The following AXIN1 variants were observed in gnomAD, a reference collection of about 807,000 sequenced individuals.
The protein encoded by AXIN1 is axin 1, also known as axin-1.
Under a neutral mutation model 76.4 loss-of-function variants are expected in AXIN1, and 30 were observed. The ratio of observed to expected loss-of-function variants is 0.39; its 90% CI spans 0.29 to 0.53. AXIN1 has a LOEUF of 0.53. Among genes scored for constraint, AXIN1 ranks in the 20% least tolerant of loss-of-function variants. The pLI is 0.66. For missense variants in AXIN1, 1,140 were observed against 1,198.8 expected (o/e 0.95, Z 0.72); for synonymous variants, 545 against 501.4 (o/e 1.09, Z -1.16).
intron 4 of AXIN1, 22 bp from the exon 5 acceptor site, chr16:304,463 G>A (rs746981886): frequency 6.2e-7 from 1 of 1,612,556 alleles, no homozygotes; most frequent in South Asian, 1.1e-5. Flanking sequence ...AGGACTGTGA[G>A]GCACGGGGGT....
At chr16:342,425 A>G (rs377632975) in intron 2 of AXIN1, among the ~76,000 whole-genome samples, 1 of 152,194 alleles carries the variant, frequency 6.6e-6, no homozygotes, top group African/African-American at 2.4e-5. Context: ...CAGGATATGC[A>G]TCCCCTAACA....
At chr16:316,163 T>C (rs772053237) in intron 2 of AXIN1, among the ~76,000 whole-genome samples, 7 of 152,222 alleles carry the variant, frequency 4.6e-5, no homozygotes, top group Non-Finnish European at 1.0e-4. Flanking sequence ...ACACATATAT[T>C]CTATTTTTCT....
chr16:288,289 C>T lies in AXIN1; in HGVS notation c.2463-41G>A, dbSNP rs367664357. 6.2e-6 allele frequency: 10 copies of T among 1,612,782 alleles called. No homozygotes were observed. The African/African-American group carries it at 6.7e-5, about 11-fold the overall frequency. On this transcript the variant is annotated intron_variant, in intron 10 of 10. Transcript: ENST00000262320. ...GAGGAGGGCAGTGAGCAGGCAGCACCGCAGATGGGAAGGAGGCCTGTGGCA... is the reference window on the plus strand; with the variant it reads ...GAGGAGGGCAGTGAGCAGGCAGCACTGCAGATGGGAAGGAGGCCTGTGGCA...
At chr16:299,447 G>C (rs2052808093) in intron 5 of AXIN1, among the ~76,000 whole-genome samples, 1 of 151,822 alleles carries the variant, frequency 6.6e-6, no homozygotes, top group African/African-American at 2.4e-5. Flanking sequence ...CCACCTCCCG[G>C]GCTCAAGCAA....
At chr16:326,354 CAAAAAAAA>C (rs1187459071) in intron 2 of AXIN1, among the ~76,000 whole-genome samples, 2 of 64,178 alleles carry the variant, frequency 3.1e-5, no homozygotes, top group African/African-American at 1.3e-4. Flanking sequence ...AACTCCGTCT[CAAAAAAAA>C]AAAAAAAAAA....
intron 5 of AXIN1, among the ~76,000 whole-genome samples, chr16:304,087 T>A (rs2052948617): frequency 6.6e-6 from 1 of 152,210 alleles, no homozygotes; most frequent in South Asian, 2.1e-4. Flanking sequence ...GGTGGGTCTC[T>A]GGGCCTCTGA....
chr16:295,613 T>C (rs1596989047), intron 7 of AXIN1, among the ~76,000 whole-genome samples: 2 of 152,294 alleles, frequency 1.3e-5, no homozygotes, highest in Admixed American at 1.3e-4. Context: ...GTGGAATGTA[T>C]TAATACTTAT....
chr16:289,067 G>A (rs1345256275), intron 10 of AXIN1, among the ~76,000 whole-genome samples: 1 of 151,388 alleles, frequency 6.6e-6, no homozygotes, highest in South Asian at 2.1e-4. Context: ...GAAATGGCCG[G>A]AAGCCCTTTT....
chr16:288,672 A>C (rs947155215), intron 10 of AXIN1, among the ~76,000 whole-genome samples: 4 of 152,220 alleles, frequency 2.6e-5, no homozygotes, highest in African/African-American at 4.8e-5. Context: ...ACCACCCGCC[A>C]GGCTCTGCCA....
chr16:325,135 C>T (rs192741107), intron 2 of AXIN1, among the ~76,000 whole-genome samples: 1 of 150,132 alleles, frequency 6.7e-6, no homozygotes, highest in African/African-American at 2.5e-5. Flanking sequence ...AGGAAACCAT[C>T]GCCTCAGCCC....
intron 4 of AXIN1, among the ~76,000 whole-genome samples, chr16:309,223 G>A (rs894308515): frequency 1.3e-5 from 2 of 151,952 alleles, no homozygotes; most frequent in Non-Finnish European, 2.9e-5. Flanking sequence ...CCAGCTACTC[G>A]GGAGGCTGAG....
rs1043014467 is a variant in AXIN1 at position 287,835 on chromosome 16, G to T, written c.*287C>A. On this transcript the variant is annotated 3_prime_UTR_variant, in exon 11 of 11. Transcript: ENST00000262320. ...AGGGAGGTGCCGGGGGATGGGGGGG[G>T]GTCACCTGAAGCTGGCAGCAGGGAC... 1.9e-6 allele frequency: 1 copy of T among 530,040 alleles called. No individual in the cohort carries two copies. Among genetic ancestry groups the T allele is most frequent in the Non-Finnish European group, 3.4e-6 (1 of 290,816 alleles). The allele number at this position is 530,040 out of a possible 1,614,324, so 32.8% of individuals were successfully genotyped here. A position where few individuals can be genotyped will look rare whatever the true frequency, so the allele number is the denominator to read the frequency against.
At position 328,118 on chromosome 16, in the gene AXIN1, G is replaced by A. The variant is rs28525499; in HGVS notation, c.879-13435C>T. Among the ~76,000 whole-genome samples the A allele has an allele frequency of 2.3e-3, 355 of 152,268 alleles. 1 individual carries two copies. The highest frequency in any genetic ancestry group is 8.2e-3 in the African/African-American group (339 of 41,568). ...TGCAAAAATTAGCCAAGGGCTGGGC[G>A]GGGTAGCTCACACCTGTAATCCCAG... is the stretch of plus-strand genomic sequence containing the variant. On this transcript the variant is annotated intron_variant, in intron 2 of 10. Coordinates refer to ENST00000262320, the MANE Select transcript of AXIN1 (RefSeq NM_003502.4).
Position 297,763 on chromosome 16 carries a change from A to T in AXIN1, c.1743T>A (p.Ser581Arg), listed in dbSNP as rs1292652536. 4 of 1,590,634 alleles carry T rather than the reference A, an allele frequency of 2.5e-6. No homozygotes were observed. Among genetic ancestry groups the T allele is most frequent in the Non-Finnish European group, 3.4e-6 (4 of 1,169,484 alleles). Reference protein sequence around the residue: ...HGARSRGYSESVGAAPNASDG... With the variant: ...HGARSRGYSERVGAAPNASDG... ...CACTGGCGTTGGGGGCAGCGCCAAC[A>T]CTCTCTGAGTAGCCTCGGGACCTTG... The change falls in exon 6 of 11, where the codon AGT becomes AGA. Residue 581 changes from serine (S) to arginine (R), a missense_variant. This residue lies in a region of AXIN1 where 429 missense variants were observed against 405.8 expected (regional missense o/e 1.06). Transcript: ENST00000262320.
Position 293,938 on chromosome 16 carries a change from G to C in AXIN1, c.1956-220C>G, listed in dbSNP as rs777575464. On this transcript the variant is annotated intron_variant, in intron 7 of 10. Coordinates refer to ENST00000262320, the MANE Select transcript of AXIN1 (RefSeq NM_003502.4). This position sits in a 1 kb window ranked among gnomAD's most constrained non-coding sequence, Gnocchi z 4.6. ...CACACCTGTAATCCCAGCATTTCGG[G>C]AGGCCGAGGCGGGCAGATCACCAGA... Among the ~76,000 whole-genome samples the C allele has an allele frequency of 5.9e-5, 9 of 152,274 alleles. No homozygotes were observed. Among genetic ancestry groups the C allele is most frequent in the South Asian group, 4.2e-4 (2 of 4,818 alleles).
rs761321644 is a variant in AXIN1, at chr16:289,545, G to A, written c.2357C>T (p.Ala786Val). The change falls in exon 10 of 11, where the codon GCG becomes GTG. Residue 786 changes from alanine (A) to valine (V), a missense_variant. Transcript: ENST00000262320. ...SAQPCDSIVV[A>V]YYFCGEPIPY... Reference sequence around the variant, plus strand: ...GATGGGTTCCCCGCAGAAGTAGTACGCCACAACGATGCTGTCACACGGCTG... The same window carrying A: ...GATGGGTTCCCCGCAGAAGTAGTACACCACAACGATGCTGTCACACGGCTG... 4.3e-6 allele frequency: 7 copies of A among 1,612,866 alleles called. No homozygotes were observed. The highest frequency in any genetic ancestry group is 1.1e-5 in the South Asian group (1 of 91,096).
At chr16:291,913 C>G (rs1038872745) in intron 8 of AXIN1, 1 of 162,580 alleles carries the variant, frequency 6.2e-6, no homozygotes, top group African/African-American at 2.4e-5. Context: ...CAAAAACCCA[C>G]ATCCCCTGGA....
chr16:298,080 G>A lies in AXIN1; in HGVS notation c.1426C>T (p.Gln476Ter), dbSNP rs1450742711. The change falls in exon 6 of 11, where the codon CAG becomes TAG. Residue 476 changes from glutamine to a stop codon, truncating the protein, a stop_gained. Transcript: ENST00000262320. LOFTEE classifies it high-confidence loss of function. ...CGGCCAGGTGTCCTCAGCACACGCT[G>A]TACGTGCTCGTCCAGGATGCTCTCA... ...NPESILDEHV[Q>*]RVLRTPGRQS... is the part of the protein sequence containing the mutation. 6.4e-7 allele frequency: 1 copy of A among 1,556,948 alleles called. No homozygotes were observed. Among genetic ancestry groups the A allele is most frequent in the Non-Finnish European group, 8.7e-7 (1 of 1,155,382 alleles).
chr16:331,890 C>A (rs983603010), intron 2 of AXIN1, among the ~76,000 whole-genome samples: 12 of 152,214 alleles, frequency 7.9e-5, no homozygotes, highest in African/African-American at 2.9e-4. Flanking sequence ...TAGTCTGACC[C>A]CCAGCCTCGC....
Sources: allele counts gnomAD v4.1 joint callset (sites outside exome capture counted in the v4.1 genomes callset), GRCh38; gene constraint gnomAD v4.1.1; regional missense constraint gnomAD v4.1.1; non-coding constraint Gnocchi (gnomAD v3.1); transcripts MANE v1.5; gene names NCBI Gene and HGNC (gene_info 2026-07-23, HGNC 2026-07-21).